Variants in DAB1 observed in about 807,000 individuals in gnomAD.
DAB1 encodes the protein DAB adaptor protein 1.
In DAB1, 15 loss-of-function variants were observed where a neutral mutation model predicts 64.6. The ratio of observed to expected loss-of-function variants is 0.23; its 90% CI spans 0.16 to 0.36. DAB1 has a LOEUF of 0.36. Ranked by LOEUF, DAB1 falls within the 10% of genes least tolerant of loss-of-function variation. DAB1 has a pLI of 1.00. For missense variants in DAB1, 596 were observed against 706.7 expected (o/e 0.84, Z 1.78); for synonymous variants, 235 against 251.9 (o/e 0.93, Z 0.64).
intron 2 of DAB1, among the ~76,000 whole-genome samples, chr1:57,187,045 T>C (rs1329591145): frequency 1.3e-5 from 2 of 152,174 alleles, no homozygotes; most frequent in African/African-American, 4.8e-5. Context: ...TACCAGGAGG[T>C]AAAGTTTCTG....
rs375019404 is a variant in DAB1, at chr1:57,038,501, T to C, written c.724-12458A>G. Among the ~76,000 whole-genome samples the C allele has an allele frequency of 3.3e-4, 50 of 152,272 alleles. No homozygotes were observed. In the East Asian group the frequency reaches 7.0e-3, roughly 21 times the overall value. On this transcript the variant is annotated intron_variant, in intron 9 of 14. Coordinates refer to ENST00000371236, the MANE Select transcript of DAB1 (RefSeq NM_001365792.1). ...GGTCTTGCTGGACTCAATACCTTGA[T>C]CTAATAGAGAAATTGGTGCCTCTTT...
chr1:58,089,641 G>A, intron 5 of DAB1, among the ~76,000 whole-genome samples: 1 of 152,208 alleles, frequency 6.6e-6, no homozygotes, highest in Non-Finnish European at 1.5e-5. Flanking sequence ...GAGAAACATT[G>A]CAGGGAAAGG....
At chr1:57,581,231 G>A (rs1255839056) in intron 7 of DAB1, among the ~76,000 whole-genome samples, 2 of 152,182 alleles carry the variant, frequency 1.3e-5, no homozygotes, top group Non-Finnish European at 2.9e-5. Context: ...TTGGGAAAGG[G>A]AATAAGAAAG....
chr1:58,149,336 G>A (rs1397711639), intron 5 of DAB1, among the ~76,000 whole-genome samples: 1 of 152,116 alleles, frequency 6.6e-6, no homozygotes, highest in African/African-American at 2.4e-5. Flanking sequence ...AACTAAGGGA[G>A]GCAGGAGGGC....
chr1:58,214,709 T>C (rs910804977), intron 4 of DAB1, among the ~76,000 whole-genome samples: 1 of 152,298 alleles, frequency 6.6e-6, no homozygotes, highest in Non-Finnish European at 1.5e-5. Context: ...TCAGAAGCAG[T>C]AGGCTTGTAG....
chr1:58,295,797 G>A (rs1337347438), intron 4 of DAB1, among the ~76,000 whole-genome samples: 1 of 152,038 alleles, frequency 6.6e-6, no homozygotes, highest in Non-Finnish European at 1.5e-5. Context: ...GGATATCAAA[G>A]GGGAGACAGT....
chr1:57,332,913 T>C (rs1359291388), intron 1 of DAB1, among the ~76,000 whole-genome samples: 1 of 152,188 alleles, frequency 6.6e-6, no homozygotes, highest in Non-Finnish European at 1.5e-5. Context: ...TCCTCAAACA[T>C]CCCACACCGT....
chr1:57,724,021 T>A (rs1379815005), intron 6 of DAB1, among the ~76,000 whole-genome samples: 1 of 152,276 alleles, frequency 6.6e-6, no homozygotes, highest in East Asian at 1.9e-4. Flanking sequence ...AGCTGAAGAT[T>A]AGCTAGGAAG....
intron 7 of DAB1, among the ~76,000 whole-genome samples, chr1:57,474,778 T>C (rs888999676): frequency 2.6e-5 from 4 of 152,168 alleles, no homozygotes; most frequent in Admixed American, 6.5e-5. Context: ...ACAGGGCTTA[T>C]AGGATATATT....
intron 14 of DAB1, among the ~76,000 whole-genome samples, chr1:57,006,001 G>A (rs1646052792): frequency 6.6e-6 from 1 of 152,166 alleles, no homozygotes; most frequent in African/African-American, 2.4e-5. Flanking sequence ...TCTGGTAGCT[G>A]CCTGTGTTTG....
At chr1:57,026,066 A>C (rs1368351743) in intron 9 of DAB1, 23 bp from the exon 10 acceptor site, 1 of 1,587,238 alleles carries the variant, frequency 6.3e-7, no homozygotes, top group African/African-American at 1.4e-5. Context: ...AAAGGTAATC[A>C]TGTGACTACA....
chr1:58,511,014 T>C (rs1340643890), intron 2 of DAB1, among the ~76,000 whole-genome samples: 7 of 152,178 alleles, frequency 4.6e-5, no homozygotes, highest in Admixed American at 6.5e-5. Context: ...TGTTCATGGA[T>C]TGTAAGACTT....
chr1:57,908,587 T>C (rs1252080372), intron 5 of DAB1, among the ~76,000 whole-genome samples: 1 of 149,320 alleles, frequency 6.7e-6, no homozygotes, highest in Non-Finnish European at 1.5e-5. Flanking sequence ...CTGCCTACCA[T>C]ATTCCAAGCG....
intron 6 of DAB1, among the ~76,000 whole-genome samples, chr1:57,755,759 A>T (rs1026124805): frequency 6.6e-6 from 1 of 152,090 alleles, no homozygotes; most frequent in Non-Finnish European, 1.5e-5. Context: ...AAGCCCAAAG[A>T]CTCTCTAAAT....
At chr1:58,290,991 G>A (rs1262764372) in intron 4 of DAB1, among the ~76,000 whole-genome samples, 2 of 152,198 alleles carry the variant, frequency 1.3e-5, no homozygotes, top group South Asian at 2.1e-4. Flanking sequence ...GCATAAAGGA[G>A]AGGGAATATC....
chr1:57,800,740 A>T (rs762876830), intron 6 of DAB1, among the ~76,000 whole-genome samples: 5 of 152,162 alleles, frequency 3.3e-5, no homozygotes, highest in Non-Finnish European at 7.4e-5. Context: ...AATCCCTTTC[A>T]TCAGTTCCAG....
At chr1:58,338,868 G>A (rs1363157070) in intron 4 of DAB1, among the ~76,000 whole-genome samples, 1 of 152,162 alleles carries the variant, frequency 6.6e-6, no homozygotes, top group East Asian at 1.9e-4. Flanking sequence ...ACATAGATGA[G>A]CCTTGAACAT....
intron 5 of DAB1, among the ~76,000 whole-genome samples, chr1:57,942,341 A>C (rs957834076): frequency 2.6e-5 from 4 of 152,244 alleles, no homozygotes; most frequent in Non-Finnish European, 4.4e-5. Flanking sequence ...CAAACCATTG[A>C]GAAGCTCTTG....
intron 5 of DAB1, among the ~76,000 whole-genome samples, chr1:58,102,741 A>C (rs1173061243): frequency 1.3e-5 from 2 of 152,214 alleles, no homozygotes; most frequent in African/African-American, 2.4e-5. Flanking sequence ...TATGTGATAA[A>C]AAATGTACTG....
Sources: allele counts gnomAD v4.1 joint callset (sites outside exome capture counted in the v4.1 genomes callset), GRCh38; gene constraint gnomAD v4.1.1; transcripts MANE v1.5; gene names NCBI Gene and HGNC (gene_info 2026-07-23, HGNC 2026-07-21).